Variants in KRT73 observed in about 807,000 individuals in gnomAD.
KRT73 encodes the protein keratin 73.
In KRT73, 44 loss-of-function variants were observed where a neutral mutation model predicts 47.2. The observed-to-expected ratio is 0.93, with a 90% confidence interval of 0.73 to 1.20. The LOEUF is 1.20. KRT73 is among the 50% of genes most tolerant of loss of function. KRT73 has a pLI of 0.00. For missense variants in KRT73, 713 were observed against 704.5 expected, an observed-to-expected ratio of 1.01 and a Z score of -0.14; for synonymous variants, 285 against 291.3, an observed-to-expected ratio of 0.98 and a Z score of 0.22.
chr12:52,614,374 G>A (rs1940767441), intron 4 of KRT73: 1 of 504,732 alleles, frequency 2.0e-6, no homozygotes, highest in East Asian at 3.4e-5. Context: ...CCTGGAGGAA[G>A]TGAAAGCAGG....
intron 5 of KRT73, 70 bp downstream of exon 5, chr12:52,613,618 G>C: frequency 6.3e-7 from 1 of 1,588,118 alleles, no homozygotes; most frequent in Non-Finnish European, 8.6e-7. Context: ...AGTGAGTCAT[G>C]GGGCAGACAA....
chr12:52,607,929 G>C lies in KRT73; in HGVS notation c.*267C>G. ...TCCTCTGCACAGGGACATGCAGGCA[G>C]AGAAAAGGCCAAGTCTTCTTCCAGA... On this transcript the variant is annotated 3_prime_UTR_variant, in exon 9 of 9. Coordinates refer to ENST00000305748, the MANE Select transcript of KRT73 (RefSeq NM_175068.3). The C allele has an allele frequency of 2.3e-6, 1 of 432,004 alleles. No individual in the cohort carries two copies. The highest frequency in any genetic ancestry group is 4.1e-6 in the Non-Finnish European group (1 of 243,048). The allele number at this position is 432,004 out of a possible 1,614,324, so 26.8% of individuals were successfully genotyped here. A position where few individuals can be genotyped will look rare whatever the true frequency, so the allele number is the denominator to read the frequency against.
intron 1 of KRT73, among the ~76,000 whole-genome samples, chr12:52,617,627 T>G (rs890635385): frequency 6.6e-6 from 1 of 152,132 alleles, no homozygotes; most frequent in Non-Finnish European, 1.5e-5. Flanking sequence ...CAAGGGCATC[T>G]CCTTCGCCTA....
the KRT73 span, among the ~76,000 whole-genome samples, chr12:52,624,169 T>A: frequency 6.6e-6 from 1 of 151,916 alleles, no homozygotes; most frequent in African/African-American, 2.4e-5. Context: ...GTGTATAATT[T>A]AAAAAGACCA....
chr12:52,609,220 A>T, intron 8 of KRT73, 27 bp downstream of exon 8: 1 of 1,606,606 alleles, frequency 6.2e-7, no homozygotes, highest in Non-Finnish European at 8.5e-7. Context: ...GACTAAAAGT[A>T]TTCCCTCAGA....
At chr12:52,630,747 G>A in the KRT73 span, among the ~76,000 whole-genome samples, 24,079 of 152,072 alleles carry the variant, frequency 0.16, 2,149 homozygotes, top group African/African-American at 0.24. Context: ...TCAGCTCATC[G>A]ACCTCCATCT....
At chr12:52,622,668 C>T (rs1260468876), upstream of KRT73, among the ~76,000 whole-genome samples, 1 of 152,212 alleles carries the variant, frequency 6.6e-6, no homozygotes, top group Non-Finnish European at 1.5e-5. Flanking sequence ...TCTCTCCCTT[C>T]CGCTCCTTGC....
chr12:52,618,993 G>A (rs996140242), upstream of KRT73, among the ~76,000 whole-genome samples: 6 of 152,200 alleles, frequency 3.9e-5, no homozygotes, highest in African/African-American at 1.4e-4. Flanking sequence ...CTTTTATGTG[G>A]TTAAGAAGAG....
upstream of KRT73, among the ~76,000 whole-genome samples, chr12:52,622,892 T>A (rs1376419668): frequency 6.6e-6 from 1 of 152,102 alleles, no homozygotes; most frequent in Non-Finnish European, 1.5e-5. Context: ...ATCAGTGAAC[T>A]GGAAGAGAGG....
In KRT73 at chr12:52,613,748, G is replaced by A; in HGVS notation, c.924C>T (p.Ala308=). 6.2e-7 allele frequency: 1 copy of A among 1,614,210 alleles called. No homozygotes were observed. Among genetic ancestry groups the A allele is most frequent in the Non-Finnish European group, 8.5e-7 (1 of 1,180,032 alleles). Residue 308 remains alanine, a synonymous_variant, in exon 5 of 9, where the codon GCC becomes GCT. Coordinates refer to ENST00000305748, the MANE Select transcript of KRT73 (RefSeq NM_175068.3). Reference sequence around the variant, plus strand: ...TCTTCCGGGCGATCTCCTCATACTGGGCACGGACCTCAGCAATGATGCTGT... The same window carrying A: ...TCTTCCGGGCGATCTCCTCATACTGAGCACGGACCTCAGCAATGATGCTGT... ...DLDSIIAEVR[A]QYEEIARKSK...
At chr12:52,609,105 C>G (rs895203048) in intron 8 of KRT73, 142 bp downstream of exon 8, 3 of 742,544 alleles carry the variant, frequency 4.0e-6, no homozygotes, top group Non-Finnish European at 7.3e-6. Flanking sequence ...GGCCGCAGGT[C>G]TCAGCAAGGA....
the KRT73 span, among the ~76,000 whole-genome samples, chr12:52,626,738 A>G: frequency 6.6e-6 from 1 of 152,310 alleles, no homozygotes; most frequent in East Asian, 1.9e-4. Context: ...CATTCTTGCC[A>G]TTGTGTCTAA....
the KRT73 span, among the ~76,000 whole-genome samples, chr12:52,628,092 A>AC: frequency 6.6e-6 from 1 of 150,472 alleles, no homozygotes; most frequent in Non-Finnish European, 1.5e-5. Flanking sequence ...CAACCCTTTA[A>AC]ACAAAACACA....
intron 3 of KRT73, chr12:52,614,918 C>T: frequency 1.9e-6 from 1 of 531,360 alleles, no homozygotes. Flanking sequence ...GACTCTATAC[C>T]CCACTCAGCC....
the KRT73 span, among the ~76,000 whole-genome samples, chr12:52,624,197 A>G: frequency 2.6e-5 from 4 of 152,124 alleles, no homozygotes; most frequent in African/African-American, 7.2e-5. Context: ...AAGAAGAAAT[A>G]GTGATTTAGT....
chr12:52,608,629 G>A (rs2120853212), intron 8 of KRT73, among the ~76,000 whole-genome samples, 177 bp from the exon 9 acceptor site: 1 of 152,202 alleles, frequency 6.6e-6, no homozygotes, highest in East Asian at 1.9e-4. Context: ...AATAGCCCCA[G>A]TCCTGCAAGA....
intron 5 of KRT73, among the ~76,000 whole-genome samples, chr12:52,611,660 AT>A (rs751104512): frequency 6.6e-6 from 1 of 152,162 alleles, no homozygotes; most frequent in Non-Finnish European, 1.5e-5. Context: ...AAACTCTTAC[AT>A]GGCATCCAGG....
chr12:52,626,235 A>G, the KRT73 span, among the ~76,000 whole-genome samples: 1 of 152,250 alleles, frequency 6.6e-6, no homozygotes, highest in Admixed American at 6.5e-5. Context: ...CAGTTAACAC[A>G]CAGTTTATGG....
chr12:52,615,766 G>A (rs572346619), intron 2 of KRT73, among the ~76,000 whole-genome samples: 11 of 152,296 alleles, frequency 7.2e-5, no homozygotes, highest in East Asian at 1.9e-4. Context: ...CACATGGCCC[G>A]TGTCCAGGAC....
Sources: allele counts gnomAD v4.1 joint callset (sites outside exome capture counted in the v4.1 genomes callset), GRCh38; gene constraint gnomAD v4.1.1; transcripts MANE v1.5; gene names NCBI Gene and HGNC (gene_info 2026-07-23, HGNC 2026-07-21).